ZNF746: variants seen among roughly 807,000 people sequenced by gnomAD.
ZNF746 encodes zinc finger protein 746.
A neutral mutation model predicts 41.0 loss-of-function variants in ZNF746; 13 were observed. That is an observed-to-expected ratio of 0.32 (90% confidence interval 0.21 to 0.50). The LOEUF (loss-of-function observed/expected upper bound fraction) is 0.50. Among genes scored for constraint, ZNF746 ranks in the 20% least tolerant of loss-of-function variants. ZNF746 has a pLI of 0.98. For missense variants in ZNF746, 811 were observed against 922.9 expected, an observed-to-expected ratio of 0.88 and a Z score of 1.57; for synonymous variants, 424 against 396.2, an observed-to-expected ratio of 1.07 and a Z score of -0.83.
intron 1 of ZNF746, among the ~76,000 whole-genome samples, chr7:149,496,572 T>C (rs868287587): frequency 6.6e-6 from 1 of 152,188 alleles, no homozygotes. Flanking sequence ...TTTCTGTGCC[T>C]GCACACGCCC....
chr7:149,496,708 G>A (rs915585413), intron 1 of ZNF746: 2 of 550,702 alleles, frequency 3.6e-6, no homozygotes, highest in African/African-American at 2.0e-5. Context: ...GAGGCGCAGA[G>A]CATCAGGCCA....
rs183675206 is a variant in ZNF746, at chr7:149,476,238, G to A, written c.883+684C>T. Among the ~76,000 whole-genome samples the A allele has an allele frequency of 2.1e-3, 314 of 148,308 alleles. 1 individual carries two copies. Among genetic ancestry groups the A allele is most frequent in the African/African-American group, 7.5e-3 (299 of 39,904 alleles). ...CTGAGCAGGAGAATGGCGTGAACCC[G>A]GAAGGCGGAGCGTGCAGTGAGCAGA... On this transcript the variant is annotated intron_variant, in intron 6 of 6. Transcript: ENST00000458143.
At chr7:149,477,797 C>T (rs1305356492) in intron 4 of ZNF746, 42 bp from the exon 5 acceptor site, 1 of 1,531,012 alleles carries the variant, frequency 6.5e-7, no homozygotes, top group South Asian at 1.2e-5. Context: ...ATCACGGCCC[C>T]TCAGCCCTGG....
chr7:149,476,977 G>C lies in ZNF746; in HGVS notation c.828C>G (p.Pro276=). 1 of 1,614,056 alleles carries C rather than the reference G, an allele frequency of 6.2e-7. No homozygotes were observed. ...GGGTCCCGTCCGAGCATGCTGAAGA[G>C]GGATGGTGGGGAGGGAGATCCGTTT... is the stretch of plus-strand genomic sequence containing the variant. The part of the protein sequence containing the change: ...SWQTDLPPHH[P]SSACSDGTLK... The change falls in exon 6 of 7, where the codon CCC becomes CCG. Residue 276 remains proline (P), a synonymous_variant. Transcript: ENST00000458143.
intron 4 of ZNF746, chr7:149,489,233 T>TCTCACA (rs71531625): frequency 2.8e-5 from 4 of 142,634 alleles, no homozygotes; most frequent in African/African-American, 5.3e-5. Flanking sequence ...ATACATTATT[T>TCTCACA]CACACACACA....
Position 149,474,874 on chromosome 7 carries a change from C to T in ZNF746, c.1493G>A (p.Gly498Asp), listed in dbSNP as rs1411884478. The T allele has an allele frequency of 1.3e-6, 2 of 1,505,210 alleles. No individual in the cohort carries two copies. The highest frequency in any genetic ancestry group is 1.2e-5 in the South Asian group (1 of 81,894). 93.2% of individuals were successfully genotyped at this position (1,505,210 alleles called of 1,614,324 possible). A position where few individuals can be genotyped will look rare whatever the true frequency, so the allele number is the denominator to read the frequency against. ...QRSCGAPDGS[G>D]PGTGGGGSGS... Reference sequence around the variant, plus strand: ...GCTGCCGCCACCGCCTGTGCCCGGGCCCGACCCGTCGGGCGCCCCACAGCT... The same window carrying T: ...GCTGCCGCCACCGCCTGTGCCCGGGTCCGACCCGTCGGGCGCCCCACAGCT... The change falls in exon 7 of 7, where the codon GGC becomes GAC. Residue 498 changes from glycine (G) to aspartate (D), a missense_variant. By Grantham distance (94) the Gly-to-Asp change is moderately conservative. Coordinates refer to ENST00000458143, the MANE Select transcript of ZNF746 (RefSeq NM_001394198.1). This position sits in a 1 kb window ranked among gnomAD's most constrained non-coding sequence, Gnocchi z 6.3.
At chr7:149,477,281 C>A (rs564969002) in intron 5 of ZNF746, among the ~76,000 whole-genome samples, 24 of 152,296 alleles carry the variant, frequency 1.6e-4, no homozygotes, top group Admixed American at 7.2e-4. Flanking sequence ...TAGAGGCAGC[C>A]AGTGACTTCA....
rs765092321 is a variant in ZNF746 at position 149,474,604 on chromosome 7, C to T, written c.1763G>A (p.Gly588Asp). The change falls in exon 7 of 7, where the codon GGC (glycine) becomes GAC (aspartate). Residue 588 changes from glycine (G) to aspartate (D), a missense_variant. This residue lies in a region of ZNF746 where 70 missense variants were observed against 127.6 expected (regional missense o/e 0.55). Transcript: ENST00000458143. The surrounding 1 kb of genome is among the most constrained non-coding windows in gnomAD (Gnocchi z 6.3). Reference protein sequence around the residue: ...GVRPFTCTVCGKSFIRKDHLR... With the variant: ...GVRPFTCTVCDKSFIRKDHLR... ...GTGGTCCTTGCGGATGAAGCTTTTGCCGCAGACGGTGCAGGTGAAGGGCCG... is the reference window on the plus strand; with the variant it reads ...GTGGTCCTTGCGGATGAAGCTTTTGTCGCAGACGGTGCAGGTGAAGGGCCG... 1 of 1,612,846 alleles carries T rather than the reference C, an allele frequency of 6.2e-7. No homozygotes were observed. The highest frequency in any genetic ancestry group is 1.1e-5 in the South Asian group (1 of 90,976).
At position 149,474,138 on chromosome 7, in the gene ZNF746, A is replaced by G; in HGVS notation, c.*246T>C. On this transcript the variant is annotated 3_prime_UTR_variant, in exon 7 of 7. Coordinates refer to ENST00000458143, the MANE Select transcript of ZNF746 (RefSeq NM_001394198.1). The surrounding 1 kb of genome is among the most constrained non-coding windows in gnomAD (Gnocchi z 6.3). ...AAAAAAAAACAAAAAACAAAAAACA[A>G]AACAGGTTTGCAATTAAATTACTTA... 1.8e-6 allele frequency: 1 copy of G among 541,242 alleles called. No homozygotes were observed. Among genetic ancestry groups the G allele is most frequent in the South Asian group, 2.5e-5 (1 of 40,442 alleles). 33.5% of individuals were successfully genotyped at this position (541,242 alleles called of 1,614,324 possible).
At chr7:149,487,369 T>C (rs1417336607) in intron 4 of ZNF746, among the ~76,000 whole-genome samples, 2 of 152,228 alleles carry the variant, frequency 1.3e-5, no homozygotes, top group Non-Finnish European at 2.9e-5. Flanking sequence ...TAGAAGGAAA[T>C]GTCTTTAACA....
At chr7:149,487,117 G>A (rs1800651658) in intron 4 of ZNF746, among the ~76,000 whole-genome samples, 1 of 152,154 alleles carries the variant, frequency 6.6e-6, no homozygotes. Context: ...ATTGTGAACT[G>A]TGCATGCGAG....
chr7:149,475,997 C>A lies in ZNF746; in HGVS notation c.884-514G>T, dbSNP rs1042737576. On this transcript the variant is annotated intron_variant, in intron 6 of 6. Coordinates refer to ENST00000458143, the MANE Select transcript of ZNF746 (RefSeq NM_001394198.1). The stretch of plus-strand genomic sequence containing the variant: ...AGCATTCAATAAATGGACCCACCAG[C>A]TAATGATAAAAATATTAGTGAATAA... 4.6e-5 allele frequency among the ~76,000 whole-genome samples: 7 copies of A among 152,200 alleles called. No homozygotes were observed. The East Asian group carries it at 1.3e-3, about 29-fold the overall frequency.
chr7:149,497,083 A>G lies in ZNF746; in HGVS notation c.24+430T>C. 1.0e-6 allele frequency: 1 copy of G among 985,322 alleles called. No individual in the cohort carries two copies. Among genetic ancestry groups the G allele is most frequent in the Non-Finnish European group, 1.2e-6 (1 of 829,916 alleles). 61.0% of individuals were successfully genotyped at this position (985,322 alleles called of 1,614,324 possible). A position where few individuals can be genotyped will look rare whatever the true frequency, so the allele number is the denominator to read the frequency against. On this transcript the variant is annotated intron_variant, in intron 1 of 6. Coordinates refer to ENST00000458143, the MANE Select transcript of ZNF746 (RefSeq NM_001394198.1). This position sits in a 1 kb window ranked among gnomAD's most constrained non-coding sequence, Gnocchi z 4.2. ...CCCGGGAAGCTGGGCACGTAGTGGG[A>G]GTCGGTGTATGCGGATTCGAAGCCG...
intron 4 of ZNF746, among the ~76,000 whole-genome samples, chr7:149,486,812 GTC>G (rs977711063): frequency 1.3e-5 from 2 of 152,208 alleles, no homozygotes; most frequent in African/African-American, 4.8e-5. Flanking sequence ...TCAAGCTGTG[GTC>G]TCTCTCATGC....
intron 5 of ZNF746, among the ~76,000 whole-genome samples, chr7:149,477,283 G>A (rs1210034724): frequency 6.6e-6 from 1 of 152,178 alleles, no homozygotes; most frequent in African/African-American, 2.4e-5. Flanking sequence ...GAGGCAGCCA[G>A]TGACTTCAAT....
chr7:149,487,448 G>C (rs1433213167), intron 4 of ZNF746, among the ~76,000 whole-genome samples: 1 of 152,200 alleles, frequency 6.6e-6, no homozygotes, highest in African/African-American at 2.4e-5. Flanking sequence ...CTTGTCCACA[G>C]ACAGGATGCT....
intron 1 of ZNF746, among the ~76,000 whole-genome samples, chr7:149,495,359 T>A (rs1800961693): frequency 6.6e-6 from 1 of 152,216 alleles, no homozygotes; most frequent in South Asian, 2.1e-4. Context: ...GGAAAGTACA[T>A]ATATGCCACA....
rs1289499656 is a variant in ZNF746, at chr7:149,473,891, G to C, written c.*493C>G. 3.4e-5 allele frequency: 6 copies of C among 174,542 alleles called. No individual in the cohort carries two copies. The highest frequency in any genetic ancestry group is 7.5e-5 in the Non-Finnish European group (6 of 80,414). 10.8% of individuals were successfully genotyped at this position (174,542 alleles called of 1,614,324 possible). A position where few individuals can be genotyped will look rare whatever the true frequency, so the allele number is the denominator to read the frequency against. ...GACCCAATGGCCCTCACTGCCCAGG[G>C]GCTTGGTGCGCTAGGCCCACTCAGC... On this transcript the variant is annotated 3_prime_UTR_variant, in exon 7 of 7. Transcript: ENST00000458143.
chr7:149,497,556 C>A lies in ZNF746; in HGVS notation c.-20G>T. On this transcript the variant is annotated 5_prime_UTR_variant, in exon 1 of 7. Coordinates refer to ENST00000458143, the MANE Select transcript of ZNF746 (RefSeq NM_001394198.1). The surrounding 1 kb of genome is among the most constrained non-coding windows in gnomAD (Gnocchi z 4.2). ...GGCCATGGCCCTGCGCTGTCCCGCC[C>A]GGCCCGGAGGAAGTCGTCGTCGCCG... 9.4e-7 allele frequency: 1 copy of A among 1,064,460 alleles called. No individual in the cohort carries two copies. The highest frequency in any genetic ancestry group is 4.2e-5 in the South Asian group (1 of 23,914). 65.9% of individuals were successfully genotyped at this position (1,064,460 alleles called of 1,614,324 possible).
Sources: gnomAD v4.1 joint callset for allele counts (sites outside exome capture counted in the v4.1 genomes callset) on GRCh38, gnomAD v4.1.1 for gene constraint, gnomAD v4.1.1 regional missense constraint, Gnocchi (gnomAD v3.1) non-coding constraint, MANE v1.5 for transcripts, NCBI Gene and HGNC (gene_info 2026-07-23, HGNC 2026-07-21) for gene names.